KRT86: variants seen among roughly 807,000 people sequenced by gnomAD.
The protein encoded by KRT86 is keratin 86, also known as keratin, type II cuticular Hb6.
In KRT86, 30 loss-of-function variants were observed where a neutral mutation model predicts 41.2. The ratio of observed to expected loss-of-function variants is 0.73; its 90% CI spans 0.54 to 0.99. The LOEUF (loss-of-function observed/expected upper bound fraction) is 0.99, where lower values mean the gene tolerates loss of function less well. Among genes scored for constraint, KRT86 ranks in the 50% least tolerant of loss-of-function variants. KRT86 has a pLI of 0.00. For missense variants in KRT86, 561 were observed against 571.4 expected (o/e 0.98, Z 0.19); for synonymous variants, 238 against 238.1 (o/e 1.00, Z 0.00).
intron 6 of KRT86, 106 bp downstream of exon 6, chr12:52,305,133 T>C (rs1221723725): frequency 6.2e-6 from 10 of 1,606,074 alleles, no homozygotes; most frequent in African/African-American, 1.3e-5. Flanking sequence ...CCTGAGGCTG[T>C]GTGAGGGGGC....
chr12:52,288,017 G>C, intron 2 of KRT86: 1 of 1,614,240 alleles, frequency 6.2e-7, no homozygotes, highest in Non-Finnish European at 8.5e-7. Flanking sequence ...CCTCGGCCCG[G>C]CTGCGGGTGA....
At chr12:52,281,129 G>A (rs1937762868) in intron 2 of KRT86, among the ~76,000 whole-genome samples, 1 of 152,214 alleles carries the variant, frequency 6.6e-6, no homozygotes, top group Non-Finnish European at 1.5e-5. Flanking sequence ...ATTCCAGACT[G>A]GGGTGGGAGG....
chr12:52,282,502 C>T (rs953867859), intron 2 of KRT86, among the ~76,000 whole-genome samples: 6 of 152,242 alleles, frequency 3.9e-5, no homozygotes, highest in Non-Finnish European at 5.9e-5. Context: ...TCCCAAAGTG[C>T]TGGGATTACA....
chr12:52,291,395 C>A lies in KRT86; in HGVS notation c.-4-10518C>A, dbSNP rs558774301. On this transcript the variant is annotated intron_variant, in intron 2 of 10. Transcript: ENST00000423955. ...GTAGGGGGCGGCGGTGATGCAGCAG[C>A]GGCCGGGCCGCGGCCCGCAGGCCGA... 7.5e-6 allele frequency: 12 copies of A among 1,608,590 alleles called. No individual in the cohort carries two copies. The highest frequency in any genetic ancestry group is 1.3e-5 in the African/African-American group (1 of 74,830).
intron 2 of KRT86, chr12:52,291,373 G>A (rs1438301334): frequency 6.2e-7 from 1 of 1,603,334 alleles, no homozygotes; most frequent in East Asian, 2.3e-5. Context: ...TGCCACGGTA[G>A]GGGGCGGCGG....
At position 52,305,289 on chromosome 12, in the gene KRT86, A is replaced by G. The variant is rs1276783102; in HGVS notation, c.785A>G (p.Lys262Arg). ...SHISDTSVVV[K>R]LDNSRDLNMD... The stretch of plus-strand genomic sequence containing the variant: ...ATCTCAGACACCTCCGTGGTTGTCA[A>G]GCTGGACAACAGCCGGGACCTGAAC... The change falls in exon 7 of 11, where the codon AAG becomes AGG. Residue 262 changes from lysine to arginine, a missense_variant. Lys to Arg is a conservative substitution (Grantham distance 26). Coordinates refer to ENST00000423955, the MANE Select transcript of KRT86 (RefSeq NM_001320198.2). 1.9e-6 allele frequency: 3 copies of G among 1,614,198 alleles called. No individual in the cohort carries two copies. The highest frequency in any genetic ancestry group is 2.2e-5 in the East Asian group (1 of 44,876).
At chr12:52,288,397 G>C (rs1938032821) in intron 2 of KRT86, 1 of 1,614,044 alleles carries the variant, frequency 6.2e-7, no homozygotes, top group South Asian at 1.1e-5. Context: ...CGATCTCCTG[G>C]ATCAGGGCCT....
chr12:52,306,489 T>C (rs1938522584), intron 9 of KRT86: 15 of 739,024 alleles, frequency 2.0e-5, no homozygotes, highest in Non-Finnish European at 2.2e-6. Context: ...GCAGTCTTGT[T>C]CATCTCAGTT....
chr12:52,306,090 T>C lies in KRT86; in HGVS notation c.1057T>C (p.Ser353Pro). The C allele has an allele frequency of 6.2e-7, 1 of 1,614,008 alleles. No individual in the cohort carries two copies. The highest frequency in any genetic ancestry group is 8.5e-7 in the Non-Finnish European group (1 of 1,180,012). Residue 353 changes from serine (S) to proline (P), a missense_variant, in exon 9 of 11, where the codon TCT (serine) becomes CCT (proline). Physicochemically the swap from Ser to Pro is moderately conservative, Grantham distance 74. Transcript: ENST00000423955. The part of the protein sequence containing the change: ...NSKLEAAVAQ[S>P]EQQGEAALSD... Reference sequence around the variant, plus strand: ...CAAGCTGGAGGCTGCGGTGGCTCAGTCTGAGCAGCAGGGTGAGGCGGCCCT... The same window carrying C: ...CAAGCTGGAGGCTGCGGTGGCTCAGCCTGAGCAGCAGGGTGAGGCGGCCCT...
At chr12:52,275,628 T>A (rs60982360) in intron 1 of KRT86, among the ~76,000 whole-genome samples, 193 bp from the exon 2 acceptor site, 1,832 of 152,286 alleles carry the variant, frequency 0.012, 31 homozygotes, top group African/African-American at 0.041. Flanking sequence ...TCTGGCCCCA[T>A]GGGCACAAGG....
chr12:52,292,470 A>G (rs532985479), intron 2 of KRT86, among the ~76,000 whole-genome samples: 1 of 152,358 alleles, frequency 6.6e-6, no homozygotes, highest in African/African-American at 2.4e-5. Flanking sequence ...TATAAATTAG[A>G]AAGTAAATCT....
rs756033789 is a variant in KRT86, at chr12:52,305,327, A to G, written c.823A>G (p.Ile275Val). 3 of 1,614,216 alleles carry G rather than the reference A, an allele frequency of 1.9e-6. No individual in the cohort carries two copies. The highest frequency in any genetic ancestry group is 2.7e-5 in the African/African-American group (2 of 75,056). Reference sequence around the variant, plus strand: ...CCGGGACCTGAACATGGACTGCATCATTGCCGAGATCAAGGCACAGTACGA... The same window carrying G: ...CCGGGACCTGAACATGGACTGCATCGTTGCCGAGATCAAGGCACAGTACGA... ...NSRDLNMDCI[I>V]AEIKAQYDDI... Residue 275 changes from isoleucine (I) to valine (V), a missense_variant, in exon 7 of 11, where the codon ATT (isoleucine) becomes GTT (valine). By Grantham distance (29) the Ile-to-Val change is conservative. This residue lies in a region of KRT86 where 397 missense variants were observed against 375.9 expected (regional missense o/e 1.06). Transcript: ENST00000423955.
At chr12:52,279,754 G>A (rs1456745216) in intron 2 of KRT86, among the ~76,000 whole-genome samples, 3 of 152,170 alleles carry the variant, frequency 2.0e-5, no homozygotes, top group Admixed American at 1.3e-4. Flanking sequence ...TGGGGAAAGC[G>A]AGAGAAAGGG....
intron 7 of KRT86, 93 bp from the exon 8 acceptor site, chr12:52,305,570 C>T: frequency 6.2e-7 from 1 of 1,607,156 alleles, no homozygotes; most frequent in Admixed American, 1.7e-5. Flanking sequence ...GTTGCACAGG[C>T]TGAGCACTGC....
chr12:52,301,163 GA>G lies in KRT86; in HGVS notation c.-4-749del, dbSNP rs527954836. 8.5e-4 allele frequency among the ~76,000 whole-genome samples: 129 copies of G among 151,842 alleles called. 1 individual carries two copies. Among genetic ancestry groups the G allele is most frequent in the Middle Eastern group, 6.8e-3 (2 of 294 alleles). On this transcript the variant is annotated intron_variant, in intron 2 of 10. Coordinates refer to ENST00000423955, the MANE Select transcript of KRT86 (RefSeq NM_001320198.2). Reference sequence around the variant, plus strand: ...TGTGTGTGAGTGTGTATGTGAAAGAGAGAGGGGGGGTTGTGAGTAGGAAGGC... The same window carrying G: ...TGTGTGTGAGTGTGTATGTGAAAGAGGAGGGGGGGTTGTGAGTAGGAAGGC...
At chr12:52,303,005 G>T (rs1938420660) in intron 3 of KRT86, 95 bp from the exon 4 acceptor site, 1 of 245,006 alleles carries the variant, frequency 4.1e-6, no homozygotes, top group African/African-American at 3.2e-5. Context: ...CTCCAGATTT[G>T]GGGGTTCCCA....
intron 2 of KRT86, among the ~76,000 whole-genome samples, chr12:52,297,984 G>A (rs1232100398): frequency 6.6e-5 from 10 of 152,214 alleles, no homozygotes; most frequent in African/African-American, 1.4e-4. Flanking sequence ...AAATAAAGAT[G>A]AGTGAGTGTG....
rs553258942 is a variant in KRT86 at position 52,281,996 on chromosome 12, C to T, written c.-5+6050C>T. On this transcript the variant is annotated intron_variant, in intron 2 of 10. Coordinates refer to ENST00000423955, the MANE Select transcript of KRT86 (RefSeq NM_001320198.2). ...CCTCAAGCAATCCTCCTGCCTCAGC[C>T]TCCCAAAGTGCTGGGATTACAGATG... 9.9e-4 allele frequency among the ~76,000 whole-genome samples: 151 copies of T among 152,298 alleles called. 1 individual carries two copies. Among genetic ancestry groups the T allele is most frequent in the African/African-American group, 3.5e-3 (147 of 41,552 alleles).
intron 2 of KRT86, among the ~76,000 whole-genome samples, chr12:52,294,028 T>C (rs1717588080): frequency 6.6e-6 from 1 of 152,150 alleles, no homozygotes; most frequent in Admixed American, 6.5e-5. Context: ...AGGACAAATG[T>C]GGGAGGTCAC....
Sources: allele counts gnomAD v4.1 joint callset (sites outside exome capture counted in the v4.1 genomes callset), GRCh38; gene constraint gnomAD v4.1.1; regional missense constraint gnomAD v4.1.1; transcripts MANE v1.5; gene names NCBI Gene and HGNC (gene_info 2026-07-23, HGNC 2026-07-21).